Variants in FHIT observed in about 807,000 individuals in gnomAD.
FHIT encodes bis(5'-adenosyl)-triphosphatase.
FHIT carries 19 observed loss-of-function variants against 17.9 expected under a neutral mutation model. The ratio of observed to expected loss-of-function variants is 1.06; its 90% CI spans 0.74 to 1.56. FHIT has a LOEUF of 1.56. Ranked by LOEUF, FHIT falls within the 40% of genes most tolerant of loss-of-function variation. The pLI, the probability that FHIT is intolerant of heterozygous loss-of-function variation, is 0.00. For missense variants in FHIT, 248 were observed against 189.2 expected (o/e 1.31, Z -1.82); for synonymous variants, 81 against 69.7 (o/e 1.16, Z -0.81).
chr3:60,128,886 G>C (rs1483880127), intron 5 of FHIT, among the ~76,000 whole-genome samples: 1 of 152,078 alleles, frequency 6.6e-6, no homozygotes, highest in South Asian at 2.1e-4. Flanking sequence ...ACAGTTCTTT[G>C]CACATAATAG....
chr3:60,107,313 G>A (rs1704467511), intron 5 of FHIT, among the ~76,000 whole-genome samples: 1 of 150,142 alleles, frequency 6.7e-6, no homozygotes, highest in Non-Finnish European at 1.5e-5. Context: ...AGCAATCTAG[G>A]GGAAACAAAA....
intron 8 of FHIT, among the ~76,000 whole-genome samples, chr3:59,843,286 A>G (rs534783164): frequency 6.6e-6 from 1 of 152,294 alleles, no homozygotes; most frequent in African/African-American, 2.4e-5. Flanking sequence ...GTATAAATCT[A>G]TCTTTATGCC....
At chr3:60,583,589 A>G (rs1553660511) in intron 4 of FHIT, among the ~76,000 whole-genome samples, 15 of 152,010 alleles carry the variant, frequency 9.9e-5, no homozygotes, top group Non-Finnish European at 1.5e-5. Context: ...TGTGTCACCA[A>G]TTATTATTCT....
At chr3:60,537,562 A>C in intron 4 of FHIT, 3 of 578,392 alleles carry the variant, frequency 5.2e-6, no homozygotes, top group South Asian at 7.6e-5. Context: ...AAGGAGCAAA[A>C]CGGAGTTCAA....
chr3:60,729,451 G>A (rs2041984056), intron 4 of FHIT, among the ~76,000 whole-genome samples: 4 of 152,132 alleles, frequency 2.6e-5, no homozygotes, highest in Admixed American at 2.6e-4. Context: ...AAATGTATGG[G>A]GGAAAATAGG....
intron 4 of FHIT, among the ~76,000 whole-genome samples, chr3:60,674,873 C>G (rs1478086138): frequency 6.6e-6 from 1 of 152,174 alleles, no homozygotes; most frequent in Non-Finnish European, 1.5e-5. Context: ...TGCAAAGAAA[C>G]CTCCATGTAC....
At chr3:60,819,026 CTTTTTTCTTTTCTT>C (rs1701833825) in intron 4 of FHIT, among the ~76,000 whole-genome samples, 4 of 143,870 alleles carry the variant, frequency 2.8e-5, no homozygotes, top group East Asian at 2.0e-4. Context: ...TTTTTCTTTT[CTTTTTTCTTTTCTT>C]TTTTTTTTTT....
At chr3:60,606,933 T>A (rs1388580823) in intron 4 of FHIT, among the ~76,000 whole-genome samples, 4 of 152,194 alleles carry the variant, frequency 2.6e-5, no homozygotes, top group African/African-American at 9.6e-5. Flanking sequence ...CAGTCTCTGT[T>A]ACCTGCTTCC....
intron 5 of FHIT, among the ~76,000 whole-genome samples, chr3:60,277,654 C>G (rs1707220202): frequency 6.6e-6 from 1 of 152,180 alleles, no homozygotes; most frequent in African/African-American, 2.4e-5. Flanking sequence ...GTAAATCAGA[C>G]ACCGCCTCCT....
intron 5 of FHIT, among the ~76,000 whole-genome samples, chr3:60,349,595 G>A (rs1042927510): frequency 6.6e-6 from 1 of 151,908 alleles, no homozygotes; most frequent in Non-Finnish European, 1.5e-5. Flanking sequence ...TTTTCAGAAG[G>A]TACTAAACTC....
intron 5 of FHIT, among the ~76,000 whole-genome samples, chr3:60,467,461 C>G (rs2107436529): frequency 6.6e-6 from 1 of 151,990 alleles, no homozygotes; most frequent in South Asian, 2.1e-4. Flanking sequence ...GCAATTACTA[C>G]TATAAACTTT....
At chr3:60,998,514 T>C (rs1553794276) in intron 3 of FHIT, among the ~76,000 whole-genome samples, 1 of 152,180 alleles carries the variant, frequency 6.6e-6, no homozygotes, top group Non-Finnish European at 1.5e-5. Flanking sequence ...TAAAGTCTAC[T>C]TTTATTAATC....
Position 60,719,043 on chromosome 3 carries a change from A to G in FHIT, c.-18+102876T>C, listed in dbSNP as rs148440868. Among the ~76,000 whole-genome samples the G allele has an allele frequency of 6.5e-3, 984 of 152,318 alleles. 8 individuals carry two copies. Among genetic ancestry groups the G allele is most frequent in the Non-Finnish European group, 0.011 (751 of 68,034 alleles). On this transcript the variant is annotated intron_variant, in intron 4 of 9. Transcript: ENST00000492590. ...ACTGTGGTAGAACAATCTAGATGCC[A>G]CAGAAATGGTGAAGGCATGCCCAAC...
At chr3:60,056,534 C>T (rs542168030) in intron 5 of FHIT, among the ~76,000 whole-genome samples, 5 of 152,320 alleles carry the variant, frequency 3.3e-5, no homozygotes, top group Non-Finnish European at 5.9e-5. Flanking sequence ...TCCAAGTATA[C>T]GCTTTTGATT....
chr3:59,854,798 G>A (rs1702085000), intron 8 of FHIT, among the ~76,000 whole-genome samples: 1 of 140,516 alleles, frequency 7.1e-6, no homozygotes, highest in Non-Finnish European at 1.6e-5. Flanking sequence ...TTCTCATTAA[G>A]TGAGCAGAGA....
chr3:60,044,685 GA>G (rs1246927539), intron 5 of FHIT, among the ~76,000 whole-genome samples: 2 of 152,120 alleles, frequency 1.3e-5, no homozygotes, highest in African/African-American at 2.4e-5. Flanking sequence ...AATAAATGAT[GA>G]AAATGAGACT....
chr3:59,760,426 GCAT>G (rs1234362182), intron 8 of FHIT, among the ~76,000 whole-genome samples: 1 of 152,138 alleles, frequency 6.6e-6, no homozygotes, highest in African/African-American at 2.4e-5. Context: ...GACTTTGCTA[GCAT>G]CATAATTTGG....
Position 59,995,411 on chromosome 3 carries a change from T to G in FHIT, c.279+15960A>C, listed in dbSNP as rs540765400. On this transcript the variant is annotated intron_variant, in intron 7 of 9. Coordinates refer to ENST00000492590, the MANE Select transcript of FHIT (RefSeq NM_002012.4). Reference sequence around the variant, plus strand: ...AGTCAAACTTAGTCTCTTGAGGAGGTAATTAAACTTCAACAACTAATTGGA... The same window carrying G: ...AGTCAAACTTAGTCTCTTGAGGAGGGAATTAAACTTCAACAACTAATTGGA... Among the ~76,000 whole-genome samples, 18 of 152,156 alleles carry G rather than the reference T, an allele frequency of 1.2e-4. No individual in the cohort carries two copies. In the South Asian group the frequency reaches 3.5e-3, roughly 30 times the overall value.
intron 1 of FHIT, among the ~76,000 whole-genome samples, chr3:61,202,894 A>G (rs866776968): frequency 9.9e-5 from 15 of 152,164 alleles, no homozygotes; most frequent in Middle Eastern, 6.8e-3. Flanking sequence ...TCTACTAAAA[A>G]TACAGGCCGG....
Sources: allele counts gnomAD v4.1 joint callset (sites outside exome capture counted in the v4.1 genomes callset), GRCh38; gene constraint gnomAD v4.1.1; transcripts MANE v1.5; gene names NCBI Gene and HGNC (gene_info 2026-07-23, HGNC 2026-07-21).